Variants in NRP2 observed in about 807,000 individuals in gnomAD.
The protein encoded by NRP2 is neuropilin-2.
NRP2 carries 52 observed loss-of-function variants against 110.4 expected under a neutral mutation model. The ratio of observed to expected loss-of-function variants is 0.47; its 90% CI spans 0.38 to 0.59. The LOEUF (loss-of-function observed/expected upper bound fraction) is 0.59. NRP2 is among the 20% of genes least tolerant of loss of function. The pLI, the probability that NRP2 is intolerant of heterozygous loss-of-function variation, is 0.00. For missense variants in NRP2, 1,049 were observed against 1,203.0 expected (o/e 0.87, Z 1.89); for synonymous variants, 508 against 468.9 (o/e 1.08, Z -1.08).
intron 15 of NRP2, chr2:205,767,218 T>G: frequency 3.2e-6 from 1 of 311,094 alleles, no homozygotes; most frequent in Admixed American, 4.8e-5. Context: ...CTGAAGATGG[T>G]TTCTTTCCAG....
chr2:205,753,464 C>T (rs1276332526), intron 12 of NRP2, among the ~76,000 whole-genome samples: 1 of 152,188 alleles, frequency 6.6e-6, no homozygotes, highest in Non-Finnish European at 1.5e-5. Context: ...CAAAATGCTG[C>T]CACACCCATG....
chr2:205,743,483 CAA>C lies in NRP2; in HGVS notation c.1574_1575del (p.Lys525SerfsTer31), dbSNP rs1198805081. ...VEARAFVRKF[K>X]VSYSLNGKDW... is the part of the protein sequence containing the mutation. Reference sequence around the variant, plus strand: ...AAGCCAGAGCATTTGTGCGCAAGTTCAAAGTCTCCTACAGCCTAAACGGCAAG... The same window carrying C: ...AAGCCAGAGCATTTGTGCGCAAGTTCAGTCTCCTACAGCCTAAACGGCAAG... On this transcript the variant is annotated frameshift_variant, in exon 9 of 17. Transcript: ENST00000357785. LOFTEE classifies it high-confidence loss of function. 7 of 1,614,206 alleles carry C rather than the reference CAA, an allele frequency of 4.3e-6. No homozygotes were observed. Among genetic ancestry groups the C allele is most frequent in the Non-Finnish European group, 5.1e-6 (6 of 1,180,046 alleles).
chr2:205,759,956 C>T (rs2057794997), intron 12 of NRP2, among the ~76,000 whole-genome samples: 1 of 152,186 alleles, frequency 6.6e-6, no homozygotes, highest in African/African-American at 2.4e-5. Flanking sequence ...GCTTTAAAAG[C>T]TTAGTGAGTT....
chr2:205,764,537 T>C (rs114453212), intron 13 of NRP2: 2,950 of 155,690 alleles, frequency 0.019, 99 homozygotes, highest in African/African-American at 0.067. Flanking sequence ...GTAGACACAC[T>C]GTGGAAGAGG....
chr2:205,729,561 C>A (rs1045768490), intron 7 of NRP2, among the ~76,000 whole-genome samples: 1 of 152,144 alleles, frequency 6.6e-6, no homozygotes, highest in African/African-American at 2.4e-5. Context: ...GGGTGGTCCC[C>A]GGGGAGAGGA....
intron 1 of NRP2, among the ~76,000 whole-genome samples, chr2:205,692,507 A>T (rs927456276): frequency 1.3e-4 from 20 of 152,212 alleles, no homozygotes; most frequent in African/African-American, 4.8e-4. Context: ...GAGGGATTTG[A>T]AGAAACTCCT....
At chr2:205,724,062 C>A in intron 5 of NRP2, 122 bp downstream of exon 5, 1 of 1,138,914 alleles carries the variant, frequency 8.8e-7, no homozygotes, top group Non-Finnish European at 1.3e-6. Context: ...TTTATGGTGG[C>A]ATCTGAGTTT....
In NRP2 at chr2:205,794,874, C is replaced by T; in HGVS notation, c.2597C>T (p.Ala866Val). 1 of 1,614,218 alleles carries T rather than the reference C, an allele frequency of 6.2e-7. No individual in the cohort carries two copies. The highest frequency in any genetic ancestry group is 1.1e-5 in the South Asian group (1 of 91,080). Residue 866 changes from alanine (A) to valine (V), a missense_variant, in exon 17 of 17, where the codon GCC (alanine) becomes GTC (valine). By Grantham distance (64) the Ala-to-Val change is moderately conservative. Coordinates refer to ENST00000357785, the MANE Select transcript of NRP2 (RefSeq NM_003872.3). ...GATCCCATCCTCATCACCATCATCG[C>T]CATGAGCTCACTGGGCGTCCTCCTG... is the stretch of plus-strand genomic sequence containing the variant. ...TLDPILITII[A>V]MSSLGVLLGA... is the part of the protein sequence containing the mutation.
chr2:205,756,297 C>A (rs779869303), intron 12 of NRP2, among the ~76,000 whole-genome samples: 3 of 152,132 alleles, frequency 2.0e-5, no homozygotes, highest in Non-Finnish European at 4.4e-5. Flanking sequence ...TGGCTTTCCT[C>A]TGTAGTGACA....
chr2:205,778,002 G>A (rs568178916), intron 15 of NRP2: 1 of 152,298 alleles, frequency 6.6e-6, no homozygotes, highest in East Asian at 1.9e-4. Context: ...GAGAGAAGTT[G>A]CTAATGATAC....
intron 15 of NRP2, among the ~76,000 whole-genome samples, chr2:205,790,272 G>A (rs76123049): frequency 6.6e-5 from 10 of 152,266 alleles, no homozygotes; most frequent in South Asian, 4.2e-4. Flanking sequence ...ACAAGAGGCC[G>A]TGATCTCCTG....
chr2:205,725,812 G>A lies in NRP2; in HGVS notation c.821-101G>A, dbSNP rs2057115955. 4.3e-6 allele frequency: 5 copies of A among 1,168,910 alleles called. No homozygotes were observed. Among genetic ancestry groups the A allele is most frequent in the Non-Finnish European group, 6.4e-6 (5 of 778,884 alleles). The allele number at this position is 1,168,910 out of a possible 1,614,324, so 72.4% of individuals were successfully genotyped here. On this transcript the variant is annotated intron_variant, in intron 5 of 16. Transcript: ENST00000357785. The surrounding 1 kb of genome is among the most constrained non-coding windows in gnomAD (Gnocchi z 4.1). ...TAATTAGGGTCTTTTAAATGAGGAA[G>A]TGCCTGCAAGGACTTGTCCCTAGAA... is the stretch of plus-strand genomic sequence containing the variant.
intron 1 of NRP2, among the ~76,000 whole-genome samples, chr2:205,688,621 G>A (rs1032765985): frequency 6.6e-6 from 1 of 152,148 alleles, no homozygotes; most frequent in Non-Finnish European, 1.5e-5. Flanking sequence ...GCTGAGCTCC[G>A]ATCCTCTGGG....
chr2:205,776,660 A>G (rs1052109798), intron 15 of NRP2: 33 of 1,561,580 alleles, frequency 2.1e-5, no homozygotes, highest in African/African-American at 2.7e-5. Context: ...CCCAACCCTG[A>G]GCACTCTTAT....
chr2:205,782,216 C>A (rs1050474821), intron 15 of NRP2, among the ~76,000 whole-genome samples: 3 of 152,108 alleles, frequency 2.0e-5, no homozygotes, highest in South Asian at 2.1e-4. Flanking sequence ...GCCTTTTCTG[C>A]CACTGACCCC....
chr2:205,703,277 T>G (rs761603138), intron 2 of NRP2, among the ~76,000 whole-genome samples: 9 of 152,216 alleles, frequency 5.9e-5, no homozygotes, highest in Non-Finnish European at 1.2e-4. Context: ...GACATGAGTC[T>G]CTCACCAACA....
At chr2:205,744,566 A>C (rs2057503309) in intron 9 of NRP2, among the ~76,000 whole-genome samples, 1 of 152,150 alleles carries the variant, frequency 6.6e-6, no homozygotes, top group African/African-American at 2.4e-5. Flanking sequence ...AGGGGAGGAG[A>C]CGTCATACCT....
At chr2:205,764,083 TTA>T (rs2057870875) in intron 13 of NRP2, 147 bp downstream of exon 13, 1 of 1,007,308 alleles carries the variant, frequency 9.9e-7, no homozygotes, top group African/African-American at 1.6e-5. Flanking sequence ...CTCTTATTTG[TTA>T]TTCAGAATAT....
intron 15 of NRP2, chr2:205,767,565 C>T: frequency 6.3e-6 from 2 of 318,284 alleles, no homozygotes; most frequent in Non-Finnish European, 1.3e-5. Context: ...GGATGCTTGC[C>T]TCATCCAGGT....
Sources: gnomAD v4.1 joint callset for allele counts (sites outside exome capture counted in the v4.1 genomes callset) on GRCh38, gnomAD v4.1.1 for gene constraint, Gnocchi (gnomAD v3.1) non-coding constraint, MANE v1.5 for transcripts, NCBI Gene and HGNC (gene_info 2026-07-23, HGNC 2026-07-21) for gene names.